SMYD3: variants seen among roughly 807,000 people sequenced by gnomAD.
SMYD3 encodes histone-lysine N-methyltransferase SMYD3.
Under a neutral mutation model 57.7 loss-of-function variants are expected in SMYD3, and 36 were observed. That is an observed-to-expected ratio of 0.62 (90% confidence interval 0.48 to 0.82). The LOEUF (loss-of-function observed/expected upper bound fraction) is 0.82, where lower values mean the gene tolerates loss of function less well. SMYD3 is among the 40% of genes least tolerant of loss of function. The probability of loss-of-function intolerance (pLI) is 0.00; values close to 1 mark genes in which losing one functional copy is unlikely to be tolerated. For missense variants in SMYD3, 515 were observed against 538.8 expected (o/e 0.96, Z 0.44); for synonymous variants, 211 against 195.0 (o/e 1.08, Z -0.68).
intron 5 of SMYD3, among the ~76,000 whole-genome samples, chr1:245,961,670 G>A (rs1402851684): frequency 6.6e-6 from 1 of 152,096 alleles, no homozygotes; most frequent in Non-Finnish European, 1.5e-5. Context: ...GTTAAGATGT[G>A]TAGCCTAGGA....
In SMYD3 at chr1:246,408,958, C is replaced by T. The variant is rs753167744; in HGVS notation, c.165-53864G>A. Among the ~76,000 whole-genome samples, 180 of 152,316 alleles carry T rather than the reference C, an allele frequency of 1.2e-3. 6 individuals carry two copies. The highest frequency in any genetic ancestry group is 1.9e-4 in the Non-Finnish European group (13 of 68,022). On this transcript the variant is annotated intron_variant, in intron 1 of 11. Coordinates refer to ENST00000490107, the MANE Select transcript of SMYD3 (RefSeq NM_001167740.2). ...GTGTTGGGATTACAGGCGTGAGCCA[C>T]CGCACCCAGCCAAGTCTTTAAAGTA...
intron 11 of SMYD3, among the ~76,000 whole-genome samples, chr1:245,752,805 G>A (rs1457032040): frequency 6.6e-6 from 1 of 152,172 alleles, no homozygotes; most frequent in Non-Finnish European, 1.5e-5. Flanking sequence ...CTTGAGGAAA[G>A]ACCAGAAGGA....
intron 5 of SMYD3, among the ~76,000 whole-genome samples, chr1:246,017,688 T>C (rs1031482486): frequency 6.6e-6 from 1 of 152,214 alleles, no homozygotes. Context: ...TCTGTCAGAC[T>C]TCTCCACTGT....
At chr1:245,774,122 C>G (rs1325874996) in intron 10 of SMYD3, among the ~76,000 whole-genome samples, 1 of 152,142 alleles carries the variant, frequency 6.6e-6, no homozygotes, top group Admixed American at 6.5e-5. Flanking sequence ...AAGGCATTGT[C>G]AGGCCAGAAT....
chr1:245,978,373 C>G (rs2058505580), intron 5 of SMYD3, among the ~76,000 whole-genome samples: 1 of 152,140 alleles, frequency 6.6e-6, no homozygotes. Flanking sequence ...AAATTAACCA[C>G]AATTGCAATG....
At chr1:246,210,689 A>G (rs192639756) in intron 5 of SMYD3, among the ~76,000 whole-genome samples, 6,760 of 151,932 alleles carry the variant, frequency 0.044, 255 homozygotes, top group African/African-American at 0.087. Flanking sequence ...CAGCCTGGGC[A>G]ACAAGGGCGA....
intron 1 of SMYD3, among the ~76,000 whole-genome samples, chr1:246,448,580 A>T (rs1008637274): frequency 2.0e-5 from 3 of 152,012 alleles, no homozygotes; most frequent in African/African-American, 7.2e-5. Context: ...CAGTCTAGGA[A>T]GTCAGACTGG....
intron 1 of SMYD3, among the ~76,000 whole-genome samples, chr1:246,503,379 G>GAA (rs2068486561): frequency 6.6e-6 from 1 of 152,174 alleles, no homozygotes; most frequent in African/African-American, 2.4e-5. Context: ...AGGCAACTTG[G>GAA]AACTTGAGAA....
At chr1:246,402,479 C>T (rs138814578) in intron 1 of SMYD3, among the ~76,000 whole-genome samples, 3 of 151,848 alleles carry the variant, frequency 2.0e-5, no homozygotes, top group Non-Finnish European at 2.9e-5. Context: ...AGAGGTTAAT[C>T]GAGACAGAGT....
At chr1:246,245,898 A>C (rs2063696047) in intron 5 of SMYD3, among the ~76,000 whole-genome samples, 1 of 152,228 alleles carries the variant, frequency 6.6e-6, no homozygotes, top group Non-Finnish European at 1.5e-5. Context: ...TTAATAAAAT[A>C]CAACCACAGA....
chr1:245,812,055 T>C (rs1250069438), intron 10 of SMYD3, among the ~76,000 whole-genome samples: 1 of 152,210 alleles, frequency 6.6e-6, no homozygotes, highest in Non-Finnish European at 1.5e-5. Flanking sequence ...AATGTCATTC[T>C]GGAAGTAGGT....
At chr1:245,820,899 T>G (rs963569972) in intron 10 of SMYD3, among the ~76,000 whole-genome samples, 7 of 151,012 alleles carry the variant, frequency 4.6e-5, no homozygotes, top group Non-Finnish European at 1.0e-4. Context: ...TAAAAGAGGA[T>G]ACAAACAAAT....
chr1:246,022,259 T>C (rs1195592314), intron 5 of SMYD3, among the ~76,000 whole-genome samples: 2 of 152,222 alleles, frequency 1.3e-5, no homozygotes, highest in Non-Finnish European at 2.9e-5. Context: ...AACATTAAAA[T>C]GCACATATCA....
At chr1:246,348,057 A>G (rs2065751663) in intron 2 of SMYD3, among the ~76,000 whole-genome samples, 1 of 12,790 alleles carries the variant, frequency 7.8e-5, no homozygotes, top group African/African-American at 2.5e-4. Context: ...AATAAAGAAA[A>G]CGTTATATAT....
chr1:246,323,383 T>C (rs1284117402), intron 5 of SMYD3, among the ~76,000 whole-genome samples: 2 of 152,146 alleles, frequency 1.3e-5, no homozygotes, highest in Non-Finnish European at 2.9e-5. Context: ...AGAAGAAATT[T>C]TCCAGGTAAA....
intron 10 of SMYD3, among the ~76,000 whole-genome samples, chr1:245,837,070 G>A (rs778174132): frequency 2.0e-5 from 3 of 152,100 alleles, no homozygotes; most frequent in African/African-American, 4.8e-5. Context: ...GTAGTTGGGC[G>A]CAGTGGCAGC....
intron 8 of SMYD3, among the ~76,000 whole-genome samples, chr1:245,875,929 A>G (rs10924373): frequency 0.17 from 25,404 of 152,256 alleles, 2,976 homozygotes; most frequent in East Asian, 0.62. Context: ...TGCTCTGTGC[A>G]AGAACAAGGG....
At chr1:246,127,251 G>A (rs1572071857) in intron 5 of SMYD3, among the ~76,000 whole-genome samples, 1 of 152,170 alleles carries the variant, frequency 6.6e-6, no homozygotes, top group East Asian at 1.9e-4. Context: ...CAGTTCCCAT[G>A]CCAACCTGAG....
At chr1:246,483,026 C>T (rs974037027) in intron 1 of SMYD3, among the ~76,000 whole-genome samples, 28 of 152,200 alleles carry the variant, frequency 1.8e-4, no homozygotes. Context: ...AGGTTGAGCT[C>T]ATTGCCCCTC....
Sources: allele counts gnomAD v4.1 joint callset (sites outside exome capture counted in the v4.1 genomes callset), GRCh38; gene constraint gnomAD v4.1.1; transcripts MANE v1.5; gene names NCBI Gene and HGNC (gene_info 2026-07-23, HGNC 2026-07-21).